The following PHLDB2 variants were observed in gnomAD, a reference collection of about 807,000 sequenced individuals.
The protein encoded by PHLDB2 is pleckstrin homology-like domain family B member 2.
Under a neutral mutation model 123.6 loss-of-function variants are expected in PHLDB2, and 71 were observed. The ratio of observed to expected loss-of-function variants is 0.57; its 90% CI spans 0.47 to 0.70. The LOEUF is 0.70. Among genes scored for constraint, PHLDB2 ranks in the 30% least tolerant of loss-of-function variants. The probability of loss-of-function intolerance (pLI) is 0.00; values close to 1 mark genes in which losing one functional copy is unlikely to be tolerated. For synonymous variants in PHLDB2, 547 were observed against 541.6 expected (o/e 1.01, Z -0.14); for missense variants, 1,446 against 1,519.5 (o/e 0.95, Z 0.80).
chr3:111,966,967 G>GTT (rs756927567), intron 14 of PHLDB2, among the ~76,000 whole-genome samples: 14 of 149,824 alleles, frequency 9.3e-5, no homozygotes, highest in South Asian at 2.1e-4. Flanking sequence ...TTTTGTGTGT[G>GTT]TTTTTTTTTT....
intron 1 of PHLDB2, among the ~76,000 whole-genome samples, chr3:111,844,450 A>T (rs1443647239): frequency 1.3e-5 from 2 of 151,196 alleles, no homozygotes; most frequent in Non-Finnish European, 2.9e-5. Context: ...CCCAAATCAA[A>T]CTCTCTCTCC....
At chr3:111,777,689 T>C (rs2060290561) in intron 1 of PHLDB2, among the ~76,000 whole-genome samples, 1 of 138,558 alleles carries the variant, frequency 7.2e-6, no homozygotes, top group South Asian at 2.1e-4. Context: ...ATATGCATCA[T>C]ATTTGCAACT....
At chr3:111,810,826 T>C (rs1467751316) in intron 1 of PHLDB2, among the ~76,000 whole-genome samples, 1 of 152,198 alleles carries the variant, frequency 6.6e-6, no homozygotes, top group Non-Finnish European at 1.5e-5. Flanking sequence ...TTGTCCAAAA[T>C]AAATTTTACA....
chr3:111,960,844 G>A (rs916007445), intron 12 of PHLDB2, among the ~76,000 whole-genome samples: 1 of 152,178 alleles, frequency 6.6e-6, no homozygotes, highest in African/African-American at 2.4e-5. Flanking sequence ...GTACTGGCTA[G>A]AGAAAAGTTT....
intron 1 of PHLDB2, among the ~76,000 whole-genome samples, chr3:111,794,658 G>A (rs2061076261): frequency 6.6e-6 from 1 of 152,228 alleles, no homozygotes; most frequent in Non-Finnish European, 1.5e-5. Flanking sequence ...ATGTATAAGA[G>A]TATGGATTTC....
In PHLDB2 at chr3:111,966,527, G is replaced by T. The variant is rs868433750; in HGVS notation, c.3078-86G>T. 6.9e-3 allele frequency: 4,292 copies of T among 618,492 alleles called. 149 individuals carry two copies. The African/African-American group carries it at 0.077, about 11-fold the overall frequency. 38.3% of individuals were successfully genotyped at this position (618,492 alleles called of 1,614,324 possible). ...TGTGTGTGTGTGTGTGTGTGTCTGG[G>T]GTGTGTGTGTGTGTGTGTGTGTATG... On this transcript the variant is annotated intron_variant, in intron 13 of 17. Transcript: ENST00000431670.
At chr3:111,921,175 G>T (rs2068476873) in intron 5 of PHLDB2, among the ~76,000 whole-genome samples, 1 of 152,068 alleles carries the variant, frequency 6.6e-6, no homozygotes, top group African/African-American at 2.4e-5. Context: ...TTTCCTCTGG[G>T]AAATATACAT....
rs1362721107 is a variant in PHLDB2, at chr3:111,880,554, G to A, written c.-14-3510G>A. On this transcript the variant is annotated intron_variant, in intron 1 of 17. Coordinates refer to ENST00000431670, the MANE Select transcript of PHLDB2 (RefSeq NM_001134438.2). ...GTTTTCCTTTGAAGGCTCAGGGTTAGCGGCTTTATAGAGGACAGTCCCGGT... is the reference window on the plus strand; with the variant it reads ...GTTTTCCTTTGAAGGCTCAGGGTTAACGGCTTTATAGAGGACAGTCCCGGT... Among the ~76,000 whole-genome samples the A allele has an allele frequency of 2.0e-5, 3 of 152,160 alleles. No homozygotes were observed. In the South Asian group the frequency reaches 6.2e-4, roughly 32 times the overall value.
intron 1 of PHLDB2, among the ~76,000 whole-genome samples, chr3:111,759,025 T>C (rs1209855727): frequency 6.6e-6 from 1 of 152,202 alleles, no homozygotes; most frequent in Non-Finnish European, 1.5e-5. Flanking sequence ...TTTACTGTGA[T>C]ATTTTAAGGA....
intron 2 of PHLDB2, among the ~76,000 whole-genome samples, chr3:111,852,753 G>GAC (rs36217120): frequency 0.041 from 6,118 of 150,222 alleles, 183 homozygotes; most frequent in African/African-American, 0.092. Flanking sequence ...TAATCTAAAA[G>GAC]ACACACACAC....
At chr3:111,910,185 ACGT>A (rs1185622067) in intron 2 of PHLDB2, among the ~76,000 whole-genome samples, 1 of 152,186 alleles carries the variant, frequency 6.6e-6, no homozygotes, top group Non-Finnish European at 1.5e-5. Flanking sequence ...AATTTTCTTT[ACGT>A]ATACTTTCTA....
rs558908390 is a variant in PHLDB2 at position 111,911,674 on chromosome 3, A to G, written c.1336-1645A>G. 7.2e-6 allele frequency: 11 copies of G among 1,536,390 alleles called. No individual in the cohort carries two copies. The African/African-American group carries it at 1.5e-4, about 21-fold the overall frequency. ...TGAGTGCCTGCCGTGGGAAGAGGCCATGAGGACGGAGCTGCAGCTGGAGTC... is the reference window on the plus strand; with the variant it reads ...TGAGTGCCTGCCGTGGGAAGAGGCCGTGAGGACGGAGCTGCAGCTGGAGTC... On this transcript the variant is annotated intron_variant, in intron 2 of 17. Coordinates refer to ENST00000431670, the MANE Select transcript of PHLDB2 (RefSeq NM_001134438.2).
chr3:111,831,183 A>G (rs1235093334), intron 1 of PHLDB2, among the ~76,000 whole-genome samples: 1 of 152,164 alleles, frequency 6.6e-6, no homozygotes, highest in Non-Finnish European at 1.5e-5. Flanking sequence ...TAGATAGTAG[A>G]ATCATAAATA....
intron 1 of PHLDB2, among the ~76,000 whole-genome samples, chr3:111,827,099 T>C (rs1330161279): frequency 1.3e-5 from 2 of 152,256 alleles, no homozygotes; most frequent in African/African-American, 4.8e-5. Flanking sequence ...CACTTCCTTA[T>C]AATTTCTCAC....
rs768865645 is a variant in PHLDB2, at chr3:111,974,462, G to T, written c.3661G>T (p.Asp1221Tyr). ...ACTCACCTTTAGCGTCAAGACTCAT[G>T]ACAGAATCTATTATATGGTAGCCCC... Reference protein sequence around the residue: ...PLLTFSVKTHDRIYYMVAPSP... With the variant: ...PLLTFSVKTHYRIYYMVAPSP... Residue 1221 changes from aspartate (D) to tyrosine (Y), a missense_variant, in exon 18 of 18, where the codon GAC (aspartate) becomes TAC (tyrosine). Physicochemically the swap from Asp to Tyr is radical, Grantham distance 160. Around this residue, in one of 3 missense-constraint regions of PHLDB2, gnomAD observed 594 missense variants for 646.0 expected, o/e 0.92. Coordinates refer to ENST00000431670, the MANE Select transcript of PHLDB2 (RefSeq NM_001134438.2). 1 of 1,613,076 alleles carries T rather than the reference G, an allele frequency of 6.2e-7. No individual in the cohort carries two copies. Among genetic ancestry groups the T allele is most frequent in the Non-Finnish European group, 8.5e-7 (1 of 1,179,468 alleles).
intron 1 of PHLDB2, chr3:111,859,956 A>G (rs1426561576): frequency 1.8e-5 from 17 of 952,236 alleles, no homozygotes; most frequent in Non-Finnish European, 2.1e-5. Context: ...TGGGGTCGGC[A>G]GTGCCCAGGC....
intron 3 of PHLDB2, among the ~76,000 whole-genome samples, chr3:111,918,313 G>A (rs12487003): frequency 0.35 from 53,465 of 152,028 alleles, 10,045 homozygotes; most frequent in East Asian, 0.71. Flanking sequence ...CGATGAACCA[G>A]TTTTTCCATG....
At chr3:111,839,339 C>G (rs2063564153) in intron 1 of PHLDB2, among the ~76,000 whole-genome samples, 1 of 152,054 alleles carries the variant, frequency 6.6e-6, no homozygotes, top group Non-Finnish European at 1.5e-5. Flanking sequence ...ATGACAATGT[C>G]CTGATTTTGA....
chr3:111,938,331 A>G (rs897454884), intron 6 of PHLDB2, among the ~76,000 whole-genome samples: 1 of 152,172 alleles, frequency 6.6e-6, no homozygotes, highest in African/African-American at 2.4e-5. Flanking sequence ...GAGCAGTACA[A>G]TTGTTACAAT....
Sources: allele counts gnomAD v4.1 joint callset (sites outside exome capture counted in the v4.1 genomes callset), GRCh38; gene constraint gnomAD v4.1.1; regional missense constraint gnomAD v4.1.1; transcripts MANE v1.5; gene names NCBI Gene and HGNC (gene_info 2026-07-23, HGNC 2026-07-21).